The following ADGRB3 variants were observed in gnomAD, a reference collection of about 807,000 sequenced individuals.
ADGRB3 encodes the protein brain-specific angiogenesis inhibitor 3.
In ADGRB3, 37 loss-of-function variants were observed where a neutral mutation model predicts 193.4. The ratio of observed to expected loss-of-function variants is 0.19; its 90% confidence interval spans 0.15 to 0.25. The LOEUF is 0.25. ADGRB3 is among the 10% of genes least tolerant of loss of function. The pLI, the probability that ADGRB3 is intolerant of heterozygous loss-of-function variation, is 1.00. For missense variants in ADGRB3, 1,637 were observed against 1,852.9 expected (o/e 0.88, Z 2.14); for synonymous variants, 690 against 644.2 (o/e 1.07, Z -1.08).
intron 3 of ADGRB3, among the ~76,000 whole-genome samples, chr6:68,927,601 GATTTTT>G (rs1767216802): frequency 6.6e-6 from 1 of 151,994 alleles, no homozygotes; most frequent in African/African-American, 2.4e-5. Context: ...AAACAAAGAA[GATTTTT>G]ATTTTGAAAC....
At chr6:68,814,789 T>C (rs895641554) in intron 3 of ADGRB3, among the ~76,000 whole-genome samples, 1 of 152,174 alleles carries the variant, frequency 6.6e-6, no homozygotes, top group African/African-American at 2.4e-5. Context: ...TTATCCACCT[T>C]GATCAAGTGG....
At chr6:69,021,975 A>G (rs961465275) in intron 13 of ADGRB3, among the ~76,000 whole-genome samples, 46 of 151,592 alleles carry the variant, frequency 3.0e-4, no homozygotes, top group Non-Finnish European at 6.7e-4. Context: ...AGAGGTTTGG[A>G]AAAAAACAGT....
At chr6:68,637,304 T>C (rs1767981833) in intron 1 of ADGRB3, 87 bp from the exon 2 acceptor site, 1 of 152,564 alleles carries the variant, frequency 6.6e-6, no homozygotes, top group East Asian at 1.9e-4. Flanking sequence ...AGGAAGAGGG[T>C]TTTATCCTTT....
intron 3 of ADGRB3, among the ~76,000 whole-genome samples, chr6:68,756,405 A>T (rs1197568060): frequency 1.3e-5 from 2 of 152,204 alleles, no homozygotes; most frequent in African/African-American, 4.8e-5. Context: ...AGCACTTTGA[A>T]TCCAAGGGGG....
intron 3 of ADGRB3, among the ~76,000 whole-genome samples, chr6:68,749,408 A>ATGTGTGTGTGTGTGTGTGTG (rs60078030): frequency 1.5e-5 from 2 of 136,490 alleles, no homozygotes; most frequent in African/African-American, 5.6e-5. Flanking sequence ...ATATATATAT[A>ATGTGTGTGTGTGTGTGTGTG]TGTGTGTGTG....
intron 4 of ADGRB3, among the ~76,000 whole-genome samples, chr6:68,932,308 A>C (rs545768532): frequency 1.3e-5 from 2 of 152,326 alleles, no homozygotes; most frequent in African/African-American, 2.4e-5. Context: ...GTTTATGTGT[A>C]AATATTATGC....
intron 11 of ADGRB3, among the ~76,000 whole-genome samples, chr6:69,011,589 A>G (rs1185588091): frequency 6.6e-6 from 1 of 152,062 alleles, no homozygotes; most frequent in African/African-American, 2.4e-5. Flanking sequence ...ATCACACAAT[A>G]AACCCAGGTA....
At chr6:69,300,114 A>T (rs1299433200) in intron 20 of ADGRB3, among the ~76,000 whole-genome samples, 1 of 151,906 alleles carries the variant, frequency 6.6e-6, no homozygotes, top group African/African-American at 2.4e-5. Context: ...TTAAAAAATG[A>T]TTCATCACAA....
chr6:68,962,027 G>A (rs1768247223), intron 8 of ADGRB3, among the ~76,000 whole-genome samples: 4 of 152,100 alleles, frequency 2.6e-5, no homozygotes, highest in African/African-American at 4.8e-5. Context: ...CCCTACTCAA[G>A]TGTCCATACC....
chr6:68,930,562 T>A lies in ADGRB3; in HGVS notation c.761T>A (p.Phe254Tyr). Residue 254 changes from phenylalanine (F) to tyrosine (Y), a missense_variant, in exon 4 of 32, where the codon TTT (phenylalanine) becomes TAT (tyrosine). Coordinates refer to ENST00000370598, the MANE Select transcript of ADGRB3 (RefSeq NM_001704.3). Reference sequence around the variant, plus strand: ...TATACCTTTATTCTGTCTTTAGAATTTGGAATGATGGGAGATCATACAATT... The same window carrying A: ...TATACCTTTATTCTGTCTTTAGAATATGGAATGATGGGAGATCATACAATT... ...REAKRPPKEE[F>Y]GMMGDHTIKS... 1.2e-6 allele frequency: 2 copies of A among 1,605,816 alleles called. No homozygotes were observed. Among genetic ancestry groups the A allele is most frequent in the Non-Finnish European group, 1.7e-6 (2 of 1,174,490 alleles).
intron 3 of ADGRB3, among the ~76,000 whole-genome samples, chr6:68,643,215 T>TTGATATTCTA (rs1768122645): frequency 6.6e-6 from 1 of 152,322 alleles, no homozygotes; most frequent in African/African-American, 2.4e-5. Flanking sequence ...TTGCTAATCC[T>TTGATATTCTA]TGATATTCTA....
Position 69,282,320 on chromosome 6 carries a change from G to A in ADGRB3, c.2815-42552G>A, listed in dbSNP as rs538794810. ...TGAGATGGGCTTTGTGAGACTAAAA[G>A]GATAACAGACACCAAATAAAAAAAG... On this transcript the variant is annotated intron_variant, in intron 20 of 31. Coordinates refer to ENST00000370598, the MANE Select transcript of ADGRB3 (RefSeq NM_001704.3). 2.6e-5 allele frequency among the ~76,000 whole-genome samples: 4 copies of A among 152,156 alleles called. No homozygotes were observed. In the East Asian group the frequency reaches 7.7e-4, roughly 29 times the overall value.
At chr6:69,317,333 G>T (rs1420208671) in intron 20 of ADGRB3, among the ~76,000 whole-genome samples, 1 of 151,122 alleles carries the variant, frequency 6.6e-6, no homozygotes. Context: ...AGAGGAGGAG[G>T]GTCTTATGGT....
At chr6:69,179,946 C>A (rs1393301790) in intron 17 of ADGRB3, among the ~76,000 whole-genome samples, 1 of 152,190 alleles carries the variant, frequency 6.6e-6, no homozygotes, top group Non-Finnish European at 1.5e-5. Context: ...GTGGTCTGAG[C>A]TCTCTCCTCA....
intron 11 of ADGRB3, among the ~76,000 whole-genome samples, chr6:69,013,640 A>G (rs1770003137): frequency 6.6e-6 from 1 of 152,132 alleles, no homozygotes; most frequent in African/African-American, 2.4e-5. Flanking sequence ...ACAACATTGC[A>G]ATAACAACCA....
In ADGRB3 at chr6:69,233,415, T is replaced by C. The variant is rs1273133066; in HGVS notation, c.2606T>C (p.Ile869Thr). Residue 869 changes from isoleucine (I) to threonine (T), a missense_variant and splice_region_variant, in exon 18 of 32, where the codon ATA becomes ACA. Transcript: ENST00000370598. ...ATTTTGGCTCAGCAACCTAGAGAAATAGTAAGTAACAAAGGGAAAACACGG... is the reference window on the plus strand; with the variant it reads ...ATTTTGGCTCAGCAACCTAGAGAAACAGTAAGTAACAAAGGGAAAACACGG... ...FAILAQQPRE[I>T]IMESSGTPSV... 10 of 1,613,806 alleles carry C rather than the reference T, an allele frequency of 6.2e-6. No individual in the cohort carries two copies. Among genetic ancestry groups the C allele is most frequent in the Non-Finnish European group, 8.5e-6 (10 of 1,179,938 alleles).
chr6:69,233,028 A>G, intron 17 of ADGRB3: 1 of 503,714 alleles, frequency 2.0e-6, no homozygotes, highest in Non-Finnish European at 3.5e-6. Context: ...AGGGCTGGAC[A>G]GAGCTAGTCC....
At chr6:69,198,696 A>G (rs940956141) in intron 17 of ADGRB3, among the ~76,000 whole-genome samples, 1 of 152,104 alleles carries the variant, frequency 6.6e-6, no homozygotes, top group African/African-American at 2.4e-5. Flanking sequence ...AGTGAGTAAC[A>G]GGGGCCAAAT....
chr6:69,046,422 C>T (rs1771240277), intron 13 of ADGRB3, among the ~76,000 whole-genome samples: 1 of 152,164 alleles, frequency 6.6e-6, no homozygotes, highest in Non-Finnish European at 1.5e-5. Flanking sequence ...CTATATACAG[C>T]AGGGATTTGG....
Sources: gnomAD v4.1 joint callset for allele counts (sites outside exome capture counted in the v4.1 genomes callset) on GRCh38, gnomAD v4.1.1 for gene constraint, MANE v1.5 for transcripts, NCBI Gene and HGNC (gene_info 2026-07-23, HGNC 2026-07-21) for gene names.